PARD3: variants seen among roughly 807,000 people sequenced by gnomAD.
PARD3 encodes the protein par-3 family cell polarity regulator, also known as partitioning defective 3 homolog.
PARD3 carries 75 observed loss-of-function variants against 155.4 expected under a neutral mutation model. The observed-to-expected ratio is 0.48, with a 90% CI of 0.40 to 0.58. The LOEUF is 0.58. PARD3 is among the 20% of genes least tolerant of loss of function. The probability of loss-of-function intolerance (pLI) is 0.00; values close to 1 mark genes in which losing one functional copy is unlikely to be tolerated. For synonymous variants in PARD3, 576 were observed against 610.5 expected, an observed-to-expected ratio of 0.94 and a Z score of 0.83; for missense variants, 1,642 against 1,721.7, an observed-to-expected ratio of 0.95 and a Z score of 0.82.
chr10:34,296,353 C>T (rs187485161), intron 20 of PARD3, among the ~76,000 whole-genome samples: 2 of 151,998 alleles, frequency 1.3e-5, no homozygotes, highest in East Asian at 3.9e-4. Context: ...GCCTCAGCCT[C>T]CTGAGTAGCT....
chr10:34,373,611 A>G (rs1432603837), intron 11 of PARD3, among the ~76,000 whole-genome samples: 2 of 152,002 alleles, frequency 1.3e-5, no homozygotes, highest in East Asian at 1.9e-4. Context: ...ACAAAATTGG[A>G]TAACAGTGGG....
At chr10:34,482,521 C>G (rs903445961) in intron 3 of PARD3, among the ~76,000 whole-genome samples, 3 of 151,908 alleles carry the variant, frequency 2.0e-5, no homozygotes, top group African/African-American at 7.3e-5. Context: ...TACTCCCCAG[C>G]GACTGGCTCA....
chr10:34,681,752 ATATATATATATATATATTTTTTT>A (rs1747370555), intron 2 of PARD3, among the ~76,000 whole-genome samples: 3 of 19,154 alleles, frequency 1.6e-4, no homozygotes, highest in African/African-American at 5.8e-4. Flanking sequence ...ATATATATAT[ATATATATATATATATATTTTTTT>A]TTTTTTTTTT....
Position 34,536,403 on chromosome 10 carries a change from T to G in PARD3, c.223-19244A>C, listed in dbSNP as rs76749256. On this transcript the variant is annotated intron_variant, in intron 2 of 24. Transcript: ENST00000374788. ...ACATCTATGAAAGAAGTAACAGTGC[T>G]AGCAGTACTGCTTTACAATACCAAC... Among the ~76,000 whole-genome samples, 457 of 152,318 alleles carry G rather than the reference T, an allele frequency of 3.0e-3. 1 individual carries two copies. Among genetic ancestry groups the G allele is most frequent in the Non-Finnish European group, 2.9e-3 (196 of 68,034 alleles).
intron 22 of PARD3, among the ~76,000 whole-genome samples, chr10:34,240,667 TAAAG>T (rs1405509758): frequency 1.3e-5 from 2 of 152,054 alleles, no homozygotes; most frequent in African/African-American, 2.4e-5. Context: ...GGAAGCACCA[TAAAG>T]AGAGGGCTTG....
intron 22 of PARD3, among the ~76,000 whole-genome samples, chr10:34,182,478 C>T (rs1361983039): frequency 6.6e-6 from 1 of 152,126 alleles, no homozygotes; most frequent in Non-Finnish European, 1.5e-5. Flanking sequence ...CCACTTAGAG[C>T]TAAAGTGAAA....
chr10:34,691,516 G>C (rs1322489849), intron 2 of PARD3, among the ~76,000 whole-genome samples: 1 of 152,154 alleles, frequency 6.6e-6, no homozygotes, highest in African/African-American at 2.4e-5. Flanking sequence ...TGGCCACACT[G>C]TCCAAAGCAA....
At chr10:34,572,908 G>A (rs1336217847) in intron 2 of PARD3, among the ~76,000 whole-genome samples, 7 of 151,830 alleles carry the variant, frequency 4.6e-5, no homozygotes, top group Admixed American at 3.9e-4. Flanking sequence ...AATCCATTTC[G>A]GTGGCAGAAT....
At chr10:34,135,194 C>T (rs1376580574) in intron 22 of PARD3, among the ~76,000 whole-genome samples, 2 of 152,166 alleles carry the variant, frequency 1.3e-5, no homozygotes, top group Non-Finnish European at 2.9e-5. Flanking sequence ...CTGAGAGGAA[C>T]AGAGAGATAC....
At chr10:34,240,123 C>G (rs1953486552) in intron 22 of PARD3, among the ~76,000 whole-genome samples, 1 of 152,068 alleles carries the variant, frequency 6.6e-6, no homozygotes, top group African/African-American at 2.4e-5. Context: ...TTTTACAGAC[C>G]AAGAAACCGA....
chr10:34,385,922 A>G (rs1481330280), intron 7 of PARD3, among the ~76,000 whole-genome samples: 1 of 152,220 alleles, frequency 6.6e-6, no homozygotes, highest in African/African-American at 2.4e-5. Flanking sequence ...GTCTATTTCT[A>G]TAAGCTTTTT....
intron 22 of PARD3, among the ~76,000 whole-genome samples, chr10:34,253,864 G>A (rs1954477259): frequency 6.6e-6 from 1 of 152,186 alleles, no homozygotes; most frequent in Non-Finnish European, 1.5e-5. Context: ...TCACTCATAA[G>A]TGGGACCTTA....
intron 14 of PARD3, among the ~76,000 whole-genome samples, chr10:34,348,424 CTGTT>C (rs1362346645): frequency 1.3e-5 from 2 of 152,232 alleles, no homozygotes; most frequent in East Asian, 3.9e-4. Context: ...CCGTTAGTGT[CTGTT>C]TAAGTCAATT....
chr10:34,131,368 G>A, intron 23 of PARD3, 95 bp downstream of exon 23: 3 of 1,395,372 alleles, frequency 2.1e-6, no homozygotes, highest in Non-Finnish European at 3.0e-6. Flanking sequence ...GCTCCATCTT[G>A]TCTCGTTTCA....
chr10:34,470,517 A>G (rs1258041526), intron 3 of PARD3, among the ~76,000 whole-genome samples: 1 of 152,200 alleles, frequency 6.6e-6, no homozygotes, highest in Non-Finnish European at 1.5e-5. Flanking sequence ...CTTGTTATCT[A>G]TGTGGCCCTG....
intron 3 of PARD3, among the ~76,000 whole-genome samples, chr10:34,504,429 T>TAAAA (rs57691806): frequency 7.5e-6 from 1 of 132,660 alleles, no homozygotes; most frequent in Non-Finnish European, 1.6e-5. Context: ...TCCCCAAGAT[T>TAAAA]AAAAAAAAAA....
chr10:34,681,746 ATATATATATATATATATATATATTT>A (rs2093831074), intron 2 of PARD3, among the ~76,000 whole-genome samples: 5 of 14,870 alleles, frequency 3.4e-4, no homozygotes, highest in South Asian at 4.3e-3. Flanking sequence ...ATATATATAT[ATATATATATATATATATATATATTT>A]TTTTTTTTTT....
chr10:34,298,854 G>A (rs1413411628), intron 20 of PARD3, among the ~76,000 whole-genome samples: 2 of 152,204 alleles, frequency 1.3e-5, no homozygotes, highest in Non-Finnish European at 2.9e-5. Flanking sequence ...GCGACCATAT[G>A]ATCTTTGGAC....
chr10:34,447,519 A>AGG (rs1163735324), intron 5 of PARD3, among the ~76,000 whole-genome samples: 8 of 134,620 alleles, frequency 5.9e-5, no homozygotes, highest in African/African-American at 1.7e-4. Flanking sequence ...AAAAAAAAAA[A>AGG]GGGCCAGTTG....
Sources: gnomAD v4.1 joint callset for allele counts (sites outside exome capture counted in the v4.1 genomes callset) on GRCh38, gnomAD v4.1.1 for gene constraint, MANE v1.5 for transcripts, NCBI Gene and HGNC (gene_info 2026-07-23, HGNC 2026-07-21) for gene names.